PBX1: variants seen among roughly 807,000 people sequenced by gnomAD.
PBX1 encodes the protein PBX homeobox 1.
A neutral mutation model predicts 53.4 loss-of-function variants in PBX1; 6 were observed. The ratio of observed to expected loss-of-function variants is 0.11; its 90% confidence interval spans 0.06 to 0.22. The LOEUF (loss-of-function observed/expected upper bound fraction) is 0.22, where lower values mean the gene tolerates loss of function less well. Among genes scored for constraint, PBX1 ranks in the 10% least tolerant of loss-of-function variants. The probability of loss-of-function intolerance (pLI) is 1.00; values close to 1 mark genes in which losing one functional copy is unlikely to be tolerated. For synonymous variants in PBX1, 204 were observed against 212.3 expected (o/e 0.96, Z 0.34); for missense variants, 251 against 551.4 (o/e 0.46, Z 5.46).
At chr1:164,574,574 A>G (rs947280372) in intron 2 of PBX1, among the ~76,000 whole-genome samples, 5 of 152,188 alleles carry the variant, frequency 3.3e-5, no homozygotes, top group Admixed American at 6.5e-5. Context: ...ATGAATCCTT[A>G]TATCTTTCCT....
chr1:164,560,307 A>G, intron 1 of PBX1: 2 of 399,588 alleles, frequency 5.0e-6, no homozygotes. Flanking sequence ...AAATACTGCC[A>G]ACTGATCCAA....
At chr1:164,605,005 C>T (rs1019360841) in intron 2 of PBX1, among the ~76,000 whole-genome samples, 13 of 152,080 alleles carry the variant, frequency 8.5e-5, no homozygotes, top group Non-Finnish European at 1.8e-4. Context: ...ATGGAAGACA[C>T]CAGTAATCAC....
rs749578736 is a variant in PBX1, at chr1:164,849,034, T to A, written c.*2358T>A. The A allele has an allele frequency of 8.1e-6, 10 of 1,233,318 alleles. No homozygotes were observed. Among genetic ancestry groups the A allele is most frequent in the Middle Eastern group, 6.4e-4 (2 of 3,122 alleles). 76.4% of individuals were successfully genotyped at this position (1,233,318 alleles called of 1,614,324 possible). On this transcript the variant is annotated 3_prime_UTR_variant, in exon 9 of 9. Coordinates refer to ENST00000420696, the MANE Select transcript of PBX1 (RefSeq NM_002585.4). ...ATTTTTGTGACAACTTCATAGTGAT[T>A]AGAATCAGTGGAGAACTCCATCTTA...
chr1:164,791,896 C>G (rs900348369), intron 2 of PBX1, among the ~76,000 whole-genome samples: 1 of 152,100 alleles, frequency 6.6e-6, no homozygotes, highest in Non-Finnish European at 1.5e-5. Flanking sequence ...GTGATCTCAG[C>G]TCACTGCAGC....
intron 2 of PBX1, among the ~76,000 whole-genome samples, chr1:164,882,790 G>A (rs1452911052): frequency 6.6e-6 from 1 of 152,026 alleles, no homozygotes; most frequent in Non-Finnish European, 1.5e-5. Context: ...AGAGGAACAG[G>A]TGTACTTATT....
Position 164,849,172 on chromosome 1 carries a change from G to A in PBX1, c.*2496G>A. ...AAGGGTTCTCTTGGAAACAAGAAGA[G>A]TGACTCCAGATGTGGCCTGAATAAT... is the stretch of plus-strand genomic sequence containing the variant. On this transcript the variant is annotated 3_prime_UTR_variant, in exon 9 of 9. Coordinates refer to ENST00000420696, the MANE Select transcript of PBX1 (RefSeq NM_002585.4). 3 of 1,403,998 alleles carry A rather than the reference G, an allele frequency of 2.1e-6. No homozygotes were observed. Among genetic ancestry groups the A allele is most frequent in the Non-Finnish European group, 1.9e-6 (2 of 1,079,148 alleles). 87.0% of individuals were successfully genotyped at this position (1,403,998 alleles called of 1,614,324 possible). A position where few individuals can be genotyped will look rare whatever the true frequency, so the allele number is the denominator to read the frequency against.
intron 2 of PBX1, among the ~76,000 whole-genome samples, chr1:164,763,377 C>G (rs902308684): frequency 1.3e-5 from 2 of 152,222 alleles, no homozygotes; most frequent in African/African-American, 4.8e-5. Context: ...CAGAGAATAA[C>G]TGTAGACTTA....
intron 2 of PBX1, among the ~76,000 whole-genome samples, chr1:164,740,362 A>C (rs1170656934): frequency 6.6e-6 from 1 of 151,476 alleles, no homozygotes; most frequent in Non-Finnish European, 1.5e-5. Flanking sequence ...ATAGTATGGA[A>C]AAAATAAAAA....
intron 2 of PBX1, among the ~76,000 whole-genome samples, chr1:164,665,648 T>C (rs1660760502): frequency 6.6e-6 from 1 of 152,190 alleles, no homozygotes; most frequent in Non-Finnish European, 1.5e-5. Context: ...CTGGAGGGCC[T>C]GGCAGCCTGT....
chr1:164,648,749 A>G (rs1318328185), intron 2 of PBX1, among the ~76,000 whole-genome samples: 2 of 152,160 alleles, frequency 1.3e-5, no homozygotes, highest in African/African-American at 4.8e-5. Flanking sequence ...TTTTTCAGAT[A>G]GGAGAGAAAA....
intron 2 of PBX1, among the ~76,000 whole-genome samples, chr1:164,663,272 G>T (rs1199273200): frequency 7.1e-6 from 1 of 140,368 alleles, no homozygotes; most frequent in Non-Finnish European, 1.6e-5. Flanking sequence ...CTGCCTGCCT[G>T]CCTGCCTGCC....
intron 8 of PBX1, among the ~76,000 whole-genome samples, chr1:164,842,248 GT>G (rs1464767471): frequency 6.6e-6 from 1 of 152,142 alleles, no homozygotes; most frequent in African/African-American, 2.4e-5. Flanking sequence ...TTGCAATTCT[GT>G]GTCACGTGTC....
intron 2 of PBX1, among the ~76,000 whole-genome samples, chr1:164,740,691 A>G (rs1665557447): frequency 6.6e-6 from 1 of 152,232 alleles, no homozygotes; most frequent in Non-Finnish European, 1.5e-5. Flanking sequence ...TTGAATGTGC[A>G]TCTATTATGT....
intron 2 of PBX1, among the ~76,000 whole-genome samples, chr1:164,879,050 A>G (rs1672582337): frequency 6.6e-6 from 1 of 152,220 alleles, no homozygotes; most frequent in Non-Finnish European, 1.5e-5. Context: ...AAGTGTACTC[A>G]TCCCAAATCT....
chr1:164,790,625 T>C (rs796440459), intron 2 of PBX1, among the ~76,000 whole-genome samples: 5 of 152,320 alleles, frequency 3.3e-5, no homozygotes, highest in African/African-American at 1.2e-4. Context: ...TTGCTCTTTA[T>C]GGCCACCACT....
intron 2 of PBX1, among the ~76,000 whole-genome samples, chr1:164,763,752 G>C (rs1026382558): frequency 3.9e-5 from 6 of 152,208 alleles, no homozygotes; most frequent in African/African-American, 9.6e-5. Context: ...TTGCAGCAAG[G>C]CACATCCAAA....
At chr1:164,611,644 T>A (rs1373778785) in intron 2 of PBX1, among the ~76,000 whole-genome samples, 1 of 151,888 alleles carries the variant, frequency 6.6e-6, no homozygotes, top group Non-Finnish European at 1.5e-5. Flanking sequence ...AAAAAAAAAT[T>A]GGCTCCTGGA....
chr1:164,735,100 A>G (rs1347657636), intron 2 of PBX1, among the ~76,000 whole-genome samples: 1 of 152,214 alleles, frequency 6.6e-6, no homozygotes, highest in African/African-American at 2.4e-5. Flanking sequence ...GTTTTAGCTC[A>G]TCTATAATGC....
At chr1:164,845,993 T>G (rs539275433) in intron 8 of PBX1, among the ~76,000 whole-genome samples, 12 of 152,312 alleles carry the variant, frequency 7.9e-5, no homozygotes, top group African/African-American at 2.9e-4. Flanking sequence ...AGGTTCTGCC[T>G]TGATTTATAA....
Sources: allele counts gnomAD v4.1 joint callset (sites outside exome capture counted in the v4.1 genomes callset), GRCh38; gene constraint gnomAD v4.1.1; transcripts MANE v1.5; gene names NCBI Gene and HGNC (gene_info 2026-07-23, HGNC 2026-07-21).